GRIK3: variants seen among roughly 807,000 people sequenced by gnomAD.
The protein encoded by GRIK3 is glutamate receptor ionotropic, kainate 3.
In GRIK3, 29 loss-of-function variants were observed where a neutral mutation model predicts 102.5. The observed-to-expected ratio is 0.28, with a 90% CI of 0.21 to 0.39. The LOEUF (loss-of-function observed/expected upper bound fraction) is 0.39, where lower values mean the gene tolerates loss of function less well. Ranked by LOEUF, GRIK3 falls within the 10% of genes least tolerant of loss-of-function variation. The pLI is 1.00. For synonymous variants in GRIK3, 511 were observed against 504.9 expected, an observed-to-expected ratio of 1.01 and a Z score of -0.16; for missense variants, 908 against 1,252.4, an observed-to-expected ratio of 0.73 and a Z score of 4.15.
At position 37,032,996 on chromosome 1, in the gene GRIK3, C is replaced by T. The variant is rs1187118510; in HGVS notation, c.115+998G>A. ...CTGGTGCCAGGCGCTGGTGCTGGCG[C>T]CGAGTGAACCCAGGCGGCCCAGGTG... On this transcript the variant is annotated intron_variant, in intron 1 of 15. Coordinates refer to ENST00000373091, the MANE Select transcript of GRIK3 (RefSeq NM_000831.4). Among the ~76,000 whole-genome samples the T allele has an allele frequency of 2.0e-5, 3 of 152,170 alleles. No homozygotes were observed. The East Asian group carries it at 5.8e-4, about 29-fold the overall frequency.
intron 3 of GRIK3, among the ~76,000 whole-genome samples, chr1:36,874,807 C>A (rs1218092226): frequency 6.6e-6 from 1 of 152,168 alleles, no homozygotes; most frequent in Non-Finnish European, 1.5e-5. Context: ...GTCAGCCAAG[C>A]ACATCGCCCC....
intron 15 of GRIK3, 39 bp downstream of exon 15, chr1:36,804,948 A>G (rs1169974765): frequency 6.2e-7 from 1 of 1,607,534 alleles, no homozygotes; most frequent in Non-Finnish European, 8.5e-7. Flanking sequence ...GCGAATCTCC[A>G]TTTCCCATCC....
chr1:36,965,972 T>C (rs1173341659), intron 1 of GRIK3, among the ~76,000 whole-genome samples: 1 of 152,180 alleles, frequency 6.6e-6, no homozygotes, highest in Non-Finnish European at 1.5e-5. Flanking sequence ...TAATCTGCCC[T>C]TCGAGGGATA....
chr1:36,798,286 A>G lies in GRIK3; in HGVS notation c.*3565T>C, dbSNP rs903306624. 2 of 152,238 alleles carry G rather than the reference A, an allele frequency of 1.3e-5. No individual in the cohort carries two copies. Among genetic ancestry groups the G allele is most frequent in the Non-Finnish European group, 2.9e-5 (2 of 68,110 alleles). 9.4% of individuals were successfully genotyped at this position (152,238 alleles called of 1,614,324 possible). Reference sequence around the variant, plus strand: ...CAACTTGGCCAGCTTGAGCAGGTGGAGAGGAGGCACTTGCATTTGGGGATG... The same window carrying G: ...CAACTTGGCCAGCTTGAGCAGGTGGGGAGGAGGCACTTGCATTTGGGGATG... On this transcript the variant is annotated 3_prime_UTR_variant, in exon 16 of 16. Coordinates refer to ENST00000373091, the MANE Select transcript of GRIK3 (RefSeq NM_000831.4).
intron 1 of GRIK3, among the ~76,000 whole-genome samples, chr1:36,954,506 C>T (rs1641880771): frequency 6.6e-6 from 1 of 152,216 alleles, no homozygotes; most frequent in African/African-American, 2.4e-5. Context: ...GGAGCCACTC[C>T]AGGGTTCTGG....
At chr1:36,890,501 A>G (rs1169220063) in intron 2 of GRIK3, among the ~76,000 whole-genome samples, 1 of 151,956 alleles carries the variant, frequency 6.6e-6, no homozygotes, top group Non-Finnish European at 1.5e-5. Flanking sequence ...TGCTCTCGAT[A>G]TCAGGGACTC....
chr1:37,027,481 T>G (rs1223780770), intron 1 of GRIK3, among the ~76,000 whole-genome samples: 1 of 152,084 alleles, frequency 6.6e-6, no homozygotes, highest in Non-Finnish European at 1.5e-5. Context: ...TCATGGTCAG[T>G]CATGCAAGCA....
At chr1:37,004,591 T>C (rs1642512075) in intron 1 of GRIK3, among the ~76,000 whole-genome samples, 1 of 152,320 alleles carries the variant, frequency 6.6e-6, no homozygotes, top group South Asian at 2.1e-4. Flanking sequence ...ACAGCAGGTC[T>C]TACGGGGACC....
At chr1:36,949,574 CTTTTTTTTTTTTTT>C (rs60157852) in intron 1 of GRIK3, among the ~76,000 whole-genome samples, 3 of 99,668 alleles carry the variant, frequency 3.0e-5, no homozygotes, top group Non-Finnish European at 6.0e-5. Context: ...CTCTCTCTTT[CTTTTTTTTTTTTTT>C]TTTTTTTTTG....
Position 36,880,515 on chromosome 1 carries a change from G to A in GRIK3, c.550+119C>T. 1.0e-6 allele frequency: 1 copy of A among 990,428 alleles called. No homozygotes were observed. Among genetic ancestry groups the A allele is most frequent in the Non-Finnish European group, 1.6e-6 (1 of 635,594 alleles). The allele number at this position is 990,428 out of a possible 1,614,324, so 61.4% of individuals were successfully genotyped here. ...ATCAGCATAACCGAGTGGAACTGGG[G>A]TATGGAACACAGCCTCTTCCCCCAG... On this transcript the variant is annotated intron_variant, in intron 3 of 15. Coordinates refer to ENST00000373091, the MANE Select transcript of GRIK3 (RefSeq NM_000831.4). The surrounding 1 kb of genome is among the most constrained non-coding windows in gnomAD (Gnocchi z 5.4).
At chr1:36,924,491 G>C (rs1338199047) in intron 1 of GRIK3, among the ~76,000 whole-genome samples, 3 of 152,198 alleles carry the variant, frequency 2.0e-5, no homozygotes, top group Non-Finnish European at 4.4e-5. Context: ...GCTGTGGAGA[G>C]GGGAGGGGGA....
intron 1 of GRIK3, among the ~76,000 whole-genome samples, chr1:36,974,769 C>A (rs1642177620): frequency 6.9e-6 from 1 of 145,622 alleles, no homozygotes; most frequent in Non-Finnish European, 1.5e-5. Context: ...CACTGCTCTC[C>A]AGCCTGGGTG....
At chr1:36,997,578 G>A (rs1557457413) in intron 1 of GRIK3, among the ~76,000 whole-genome samples, 4 of 152,196 alleles carry the variant, frequency 2.6e-5, no homozygotes, top group Non-Finnish European at 1.5e-5. Flanking sequence ...CATCTGGAGC[G>A]GTGGAGGTGC....
chr1:36,983,179 T>C (rs1159289350), intron 1 of GRIK3, among the ~76,000 whole-genome samples: 1 of 152,024 alleles, frequency 6.6e-6, no homozygotes, highest in Non-Finnish European at 1.5e-5. Context: ...GAGGACTGCC[T>C]GTGCTACTGG....
chr1:36,934,757 G>A (rs894647563), intron 1 of GRIK3, among the ~76,000 whole-genome samples: 1 of 152,206 alleles, frequency 6.6e-6, no homozygotes, highest in Non-Finnish European at 1.5e-5. Context: ...AGATGGAGCA[G>A]GGGAGTTCAG....
chr1:36,835,233 G>C (rs998243004), intron 10 of GRIK3, among the ~76,000 whole-genome samples: 23 of 152,180 alleles, frequency 1.5e-4, no homozygotes, highest in Admixed American at 1.3e-3. Flanking sequence ...GGTCCAATCT[G>C]ACAGCATCTC....
At chr1:36,833,214 G>T (rs1640331350) in intron 10 of GRIK3, among the ~76,000 whole-genome samples, 1 of 152,094 alleles carries the variant, frequency 6.6e-6, no homozygotes, top group South Asian at 2.1e-4. Context: ...TCTGGCGTCG[G>T]GTCTCCTGCA....
intron 1 of GRIK3, among the ~76,000 whole-genome samples, chr1:36,953,499 T>C (rs1267637028): frequency 6.6e-6 from 1 of 150,620 alleles, no homozygotes; most frequent in Non-Finnish European, 1.5e-5. Context: ...GTGGAACAGA[T>C]TGAAGGGTGA....
At position 36,830,853 on chromosome 1, in the gene GRIK3, G is replaced by A. The variant is rs187141168; in HGVS notation, c.1531-5027C>T. 1.1e-3 allele frequency among the ~76,000 whole-genome samples: 159 copies of A among 145,642 alleles called. 3 individuals carry two copies. In the South Asian group the frequency reaches 0.017, roughly 16 times the overall value. ...AAAAAAAAAGAAAAGAGGATGCACA[G>A]ATACACACAGAGAAGGCCATGTGAT... On this transcript the variant is annotated intron_variant, in intron 10 of 15. Coordinates refer to ENST00000373091, the MANE Select transcript of GRIK3 (RefSeq NM_000831.4).
Sources: gnomAD v4.1 joint callset for allele counts (sites outside exome capture counted in the v4.1 genomes callset) on GRCh38, gnomAD v4.1.1 for gene constraint, Gnocchi (gnomAD v3.1) non-coding constraint, MANE v1.5 for transcripts, NCBI Gene and HGNC (gene_info 2026-07-23, HGNC 2026-07-21) for gene names.